PTPRN2: variants seen among roughly 807,000 people sequenced by gnomAD.
PTPRN2 encodes receptor-type tyrosine-protein phosphatase N2.
Under a neutral mutation model 118.8 loss-of-function variants are expected in PTPRN2, and 74 were observed. That is an observed-to-expected ratio of 0.62 (90% CI 0.52 to 0.76). The LOEUF (loss-of-function observed/expected upper bound fraction) is 0.76, where lower values mean the gene tolerates loss of function less well. PTPRN2 is among the 30% of genes least tolerant of loss of function. The pLI, the probability that PTPRN2 is intolerant of heterozygous loss-of-function variation, is 0.00. For missense variants in PTPRN2, 1,481 were observed against 1,394.4 expected (o/e 1.06, Z -0.99); for synonymous variants, 641 against 608.0 (o/e 1.05, Z -0.80).
chr7:158,341,191 A>G (rs1265036510), intron 2 of PTPRN2, among the ~76,000 whole-genome samples: 1 of 150,862 alleles, frequency 6.6e-6, no homozygotes, highest in Non-Finnish European at 1.5e-5. Context: ...CACTCTCACC[A>G]TAAGAGGTAA....
At chr7:157,735,961 C>T (rs895783325) in intron 12 of PTPRN2, among the ~76,000 whole-genome samples, 5 of 152,238 alleles carry the variant, frequency 3.3e-5, no homozygotes, top group Non-Finnish European at 7.3e-5. Flanking sequence ...CTGAAGGTGA[C>T]GTGACAGACA....
rs979678231 is a variant in PTPRN2 at position 157,868,168 on chromosome 7, G to T, written c.1788+30505C>A. On this transcript the variant is annotated intron_variant, in intron 12 of 22. Coordinates refer to ENST00000389418, the MANE Select transcript of PTPRN2 (RefSeq NM_002847.5). The surrounding 1 kb of genome is among the most constrained non-coding windows in gnomAD (Gnocchi z 5.2). ...TCCAGACACAGTTATCCTAAGGCCAGGCACAGGAAGGGTTCCTTTCCCGAT... is the reference window on the plus strand; with the variant it reads ...TCCAGACACAGTTATCCTAAGGCCATGCACAGGAAGGGTTCCTTTCCCGAT... Among the ~76,000 whole-genome samples, 6 of 152,230 alleles carry T rather than the reference G, an allele frequency of 3.9e-5. No individual in the cohort carries two copies. Among genetic ancestry groups the T allele is most frequent in the African/African-American group, 1.4e-4 (6 of 41,460 alleles).
At chr7:157,930,666 T>A (rs1799302952) in intron 11 of PTPRN2, among the ~76,000 whole-genome samples, 1 of 152,154 alleles carries the variant, frequency 6.6e-6, no homozygotes, top group Non-Finnish European at 1.5e-5. Flanking sequence ...CCATCCCTGT[T>A]CCTGAGAGCC....
chr7:158,365,687 C>A (rs1439709190), intron 2 of PTPRN2, among the ~76,000 whole-genome samples: 1 of 142,144 alleles, frequency 7.0e-6, no homozygotes. Context: ...GGAGAAGCCG[C>A]AGCCCAATGC....
intron 1 of PTPRN2, among the ~76,000 whole-genome samples, chr7:158,512,062 T>C (rs1823216748): frequency 6.6e-6 from 1 of 152,168 alleles, no homozygotes; most frequent in African/African-American, 2.4e-5. Flanking sequence ...AAATCAAGGA[T>C]GCTTCAGATC....
chr7:157,553,205 G>A (rs1284231396), intron 21 of PTPRN2, among the ~76,000 whole-genome samples: 4 of 152,206 alleles, frequency 2.6e-5, no homozygotes, highest in East Asian at 1.9e-4. Context: ...GCCTCTCTCC[G>A]TTAGGTGGCT....
At position 158,489,768 on chromosome 7, in the gene PTPRN2, C is replaced by A; in HGVS notation, c.130G>T (p.Gly44Cys). ...CAGGCCTCGGACGCTCCGCAGAGGC[C>A]CTCCTCGAGCAGGCAGCCTGCGGGG... ...PGRLGCLLEE[G>C]LCGASEACVN... The change falls in exon 2 of 23, where the codon GGC becomes TGC. Residue 44 changes from glycine to cysteine, a missense_variant. Gly to Cys is a radical substitution (Grantham distance 159). Transcript: ENST00000389418. 1 of 1,581,364 alleles carries A rather than the reference C, an allele frequency of 6.3e-7. No individual in the cohort carries two copies. Among genetic ancestry groups the A allele is most frequent in the Non-Finnish European group, 8.6e-7 (1 of 1,164,694 alleles).
At chr7:158,344,166 C>T (rs575592411) in intron 2 of PTPRN2, among the ~76,000 whole-genome samples, 6 of 152,232 alleles carry the variant, frequency 3.9e-5, no homozygotes, top group East Asian at 1.9e-4. Flanking sequence ...AGCAGCAAAG[C>T]GCAGGGCCTC....
chr7:158,146,887 A>G (rs73173623), intron 6 of PTPRN2, among the ~76,000 whole-genome samples: 1,489 of 123,496 alleles, frequency 0.012, 158 homozygotes, highest in African/African-American at 0.044. Flanking sequence ...CAGGGAAAAT[A>G]CACCATTAAG....
chr7:157,867,789 T>C (rs895428793), intron 12 of PTPRN2, among the ~76,000 whole-genome samples: 7 of 152,174 alleles, frequency 4.6e-5, no homozygotes, highest in Non-Finnish European at 8.8e-5. Flanking sequence ...CAGAATCCAG[T>C]CCAGGGAGAC....
intron 14 of PTPRN2, among the ~76,000 whole-genome samples, chr7:157,640,446 C>A (rs1339893802): frequency 6.6e-6 from 1 of 152,074 alleles, no homozygotes; most frequent in Non-Finnish European, 1.5e-5. Flanking sequence ...AACTTATTTC[C>A]ATTAGAGGGG....
At chr7:157,807,956 C>T (rs1453680929) in intron 12 of PTPRN2, among the ~76,000 whole-genome samples, 1 of 152,216 alleles carries the variant, frequency 6.6e-6, no homozygotes, top group African/African-American at 2.4e-5. Context: ...AAAACTGAGG[C>T]TTAGAACATT....
At chr7:157,722,357 G>C (rs1035950226) in intron 12 of PTPRN2, among the ~76,000 whole-genome samples, 15 of 152,362 alleles carry the variant, frequency 9.8e-5, no homozygotes, top group Non-Finnish European at 1.5e-4. Context: ...GGTCTCTCAG[G>C]GGGGGTCCTG....
At chr7:158,076,710 G>A (rs76327558) in intron 11 of PTPRN2, among the ~76,000 whole-genome samples, 4,671 of 152,146 alleles carry the variant, frequency 0.031, 105 homozygotes, top group East Asian at 0.082. Flanking sequence ...TGAGACCCAC[G>A]CTAGTCCCTG....
In PTPRN2 at chr7:157,627,827, G is replaced by A. The variant is rs565175927; in HGVS notation, c.2197-6318C>T. Among the ~76,000 whole-genome samples, 120 of 151,832 alleles carry A rather than the reference G, an allele frequency of 7.9e-4. No individual in the cohort carries two copies. The highest frequency in any genetic ancestry group is 1.7e-3 in the South Asian group (8 of 4,794). On this transcript the variant is annotated intron_variant, in intron 14 of 22. Coordinates refer to ENST00000389418, the MANE Select transcript of PTPRN2 (RefSeq NM_002847.5). This position sits in a 1 kb window ranked among gnomAD's most constrained non-coding sequence, Gnocchi z 4.2. ...GTGTTGCCAACATTCACTATCTGAC[G>A]TAGATCCCAGAGCACACGACATCCA...
chr7:157,849,250 G>A (rs1529836), intron 12 of PTPRN2, among the ~76,000 whole-genome samples: 108,160 of 152,060 alleles, frequency 0.71, 39,252 homozygotes, highest in East Asian at 0.95. Context: ...TGGAGTTCGC[G>A]GTGCCTTTCT....
chr7:157,753,464 C>A (rs1801601176), intron 12 of PTPRN2, among the ~76,000 whole-genome samples: 1 of 152,216 alleles, frequency 6.6e-6, no homozygotes, highest in South Asian at 2.1e-4. Flanking sequence ...GTGACCAGCA[C>A]AGGCACCAGC....
In PTPRN2 at chr7:157,596,516, T is replaced by C. The variant is rs530976031; in HGVS notation, c.2419-1201A>G. ...AAAAAAGAACTTGAGGACAAAGCCT[T>C]GAGAGGCAAGCGAGATTTGAGCACA... On this transcript the variant is annotated intron_variant, in intron 16 of 22. Coordinates refer to ENST00000389418, the MANE Select transcript of PTPRN2 (RefSeq NM_002847.5). The surrounding 1 kb of genome is among the most constrained non-coding windows in gnomAD (Gnocchi z 4.2). Among the ~76,000 whole-genome samples the C allele has an allele frequency of 1.4e-4, 21 of 152,342 alleles. No homozygotes were observed. In the South Asian group the frequency reaches 4.3e-3, roughly 32 times the overall value.
intron 6 of PTPRN2, among the ~76,000 whole-genome samples, chr7:158,156,671 C>T (rs539558420): frequency 5.9e-5 from 9 of 152,332 alleles, no homozygotes; most frequent in South Asian, 2.1e-4. Context: ...CCTGGGGCTT[C>T]GAGCCCCCAG....
Sources: gnomAD v4.1 joint callset for allele counts (sites outside exome capture counted in the v4.1 genomes callset) on GRCh38, gnomAD v4.1.1 for gene constraint, Gnocchi (gnomAD v3.1) non-coding constraint, MANE v1.5 for transcripts, NCBI Gene and HGNC (gene_info 2026-07-23, HGNC 2026-07-21) for gene names.